UNC13C: variants seen among roughly 807,000 people sequenced by gnomAD.
UNC13C encodes the protein unc-13 homolog C, also known as protein unc-13 homolog C.
UNC13C carries 174 observed loss-of-function variants against 245.4 expected under a neutral mutation model. That is an observed-to-expected ratio of 0.71 (90% confidence interval 0.63 to 0.80). UNC13C has a LOEUF of 0.80. UNC13C is among the 30% of genes least tolerant of loss of function. The pLI is 0.00. For synonymous variants in UNC13C, 992 were observed against 895.1 expected, an observed-to-expected ratio of 1.11 and a Z score of -1.93; for missense variants, 2,829 against 2,602.9, an observed-to-expected ratio of 1.09 and a Z score of -1.89.
In UNC13C at chr15:54,486,941, G is replaced by T. The variant is rs182615102; in HGVS notation, c.4934-7667G>T. Among the ~76,000 whole-genome samples, 212 of 152,246 alleles carry T rather than the reference G, an allele frequency of 1.4e-3. 1 individual carries two copies. Among genetic ancestry groups the T allele is most frequent in the African/African-American group, 5.0e-3 (206 of 41,558 alleles). ...ACATGCCAGTATGGCTTTAGATCTAGACCAGAACTAGATATAAGCCAAGAT... is the reference window on the plus strand; with the variant it reads ...ACATGCCAGTATGGCTTTAGATCTATACCAGAACTAGATATAAGCCAAGAT... On this transcript the variant is annotated intron_variant, in intron 19 of 32. Transcript: ENST00000260323.
chr15:54,288,121 G>T (rs1304356819), intron 10 of UNC13C, among the ~76,000 whole-genome samples: 1 of 152,098 alleles, frequency 6.6e-6, no homozygotes, highest in Non-Finnish European at 1.5e-5. Flanking sequence ...AGTAAGACAG[G>T]AAATGGAAAA....
intron 19 of UNC13C, among the ~76,000 whole-genome samples, chr15:54,453,200 G>A (rs762477328): frequency 6.6e-6 from 1 of 152,154 alleles, no homozygotes; most frequent in Non-Finnish European, 1.5e-5. Context: ...TGGTAGGATT[G>A]GAGGGGTCCA....
At position 54,547,084 on chromosome 15, in the gene UNC13C, A is replaced by G. The variant is rs149840330; in HGVS notation, c.5820+239A>G. Among the ~76,000 whole-genome samples the G allele has an allele frequency of 4.6e-3, 701 of 152,328 alleles. 7 individuals carry two copies. The highest frequency in any genetic ancestry group is 0.016 in the African/African-American group (651 of 41,582). Reference sequence around the variant, plus strand: ...CAGAACTTAACCTCTTAAAACATGTATCAAAGTTCTATTTATAGTGTTATC... The same window carrying G: ...CAGAACTTAACCTCTTAAAACATGTGTCAAAGTTCTATTTATAGTGTTATC... On this transcript the variant is annotated intron_variant, in intron 27 of 32. Coordinates refer to ENST00000260323, the MANE Select transcript of UNC13C (RefSeq NM_001080534.3).
chr15:54,478,146 G>A (rs1348091243), intron 19 of UNC13C, among the ~76,000 whole-genome samples: 4 of 151,134 alleles, frequency 2.6e-5, no homozygotes, highest in Non-Finnish European at 5.9e-5. Context: ...CTGTGGGATT[G>A]GTGGTGATAT....
the UNC13C span, among the ~76,000 whole-genome samples, chr15:53,854,214 G>T: frequency 2.7e-5 from 4 of 146,092 alleles, no homozygotes; most frequent in East Asian, 2.1e-4. Flanking sequence ...TCTGCCTCCC[G>T]GATTCAAGTG....
chr15:54,570,360 C>A (rs777252969), intron 30 of UNC13C, among the ~76,000 whole-genome samples: 2 of 152,160 alleles, frequency 1.3e-5, no homozygotes, highest in African/African-American at 2.4e-5. Flanking sequence ...AAAACTCATA[C>A]ATTTTTTTCA....
At chr15:53,843,714 A>G in the UNC13C span, among the ~76,000 whole-genome samples, 5 of 152,114 alleles carry the variant, frequency 3.3e-5, no homozygotes, top group Non-Finnish European at 7.4e-5. Context: ...AGTAAAAGAA[A>G]CATGTAAGAA....
chr15:54,607,936 CAA>C (rs983851770), intron 30 of UNC13C, among the ~76,000 whole-genome samples: 23 of 152,148 alleles, frequency 1.5e-4, no homozygotes, highest in Admixed American at 9.8e-4. Context: ...CCATATCAGA[CAA>C]ACAGTAGTTT....
At position 54,013,391 on chromosome 15, in the gene UNC13C, C is replaced by T; in HGVS notation, c.488C>T (p.Ser163Phe). The T allele has an allele frequency of 2.5e-6, 4 of 1,613,884 alleles. No individual in the cohort carries two copies. The highest frequency in any genetic ancestry group is 2.2e-5 in the East Asian group (1 of 44,884). Residue 163 changes from serine to phenylalanine, a missense_variant, in exon 2 of 33, where the codon TCT (serine) becomes TTT (phenylalanine). Coordinates refer to ENST00000260323, the MANE Select transcript of UNC13C (RefSeq NM_001080534.3). ...AAGAGTTCAAGCAGCCTTGCACCCT[C>T]TGAGGGCAGCTCTGACGGGGAGCGT... ...NRKSSSSLAP[S>F]EGSSDGERTL...
chr15:54,482,583 G>A (rs1402160900), intron 19 of UNC13C, among the ~76,000 whole-genome samples: 4 of 152,118 alleles, frequency 2.6e-5, no homozygotes, highest in Non-Finnish European at 2.9e-5. Context: ...CTCCTTCCTC[G>A]CCTCAGAAGT....
At chr15:54,213,543 G>A (rs1476634400) in intron 4 of UNC13C, among the ~76,000 whole-genome samples, 2 of 152,002 alleles carry the variant, frequency 1.3e-5, no homozygotes, top group Non-Finnish European at 2.9e-5. Context: ...TGTTAACTTT[G>A]TAAGCTTCTA....
intron 22 of UNC13C, among the ~76,000 whole-genome samples, chr15:54,502,915 G>T (rs748504037): frequency 3.9e-5 from 6 of 152,052 alleles, no homozygotes; most frequent in Non-Finnish European, 8.8e-5. Flanking sequence ...GCAGCCACCC[G>T]TTTGTAGCTC....
chr15:54,070,104 G>A (rs550946019), intron 2 of UNC13C, among the ~76,000 whole-genome samples: 1 of 152,282 alleles, frequency 6.6e-6, no homozygotes, highest in South Asian at 2.1e-4. Context: ...CCCCTACTGG[G>A]GCGATTTTAC....
intron 18 of UNC13C, among the ~76,000 whole-genome samples, chr15:54,402,166 G>A (rs1026041621): frequency 6.6e-6 from 1 of 151,824 alleles, no homozygotes; most frequent in Non-Finnish European, 1.5e-5. Flanking sequence ...TTCATAGTGG[G>A]CAGAATAGGT....
intron 17 of UNC13C, among the ~76,000 whole-genome samples, chr15:54,391,402 A>G (rs1177902780): frequency 2.0e-5 from 3 of 152,108 alleles, no homozygotes; most frequent in Non-Finnish European, 2.9e-5. Context: ...AGTGATAACA[A>G]AATTCTGTTT....
At chr15:53,885,110 G>A in the UNC13C span, among the ~76,000 whole-genome samples, 2 of 152,206 alleles carry the variant, frequency 1.3e-5, no homozygotes, top group African/African-American at 2.4e-5. Context: ...GGGGATTTCA[G>A]GAAGCAATGT....
rs35414078 is a variant in UNC13C at position 54,442,250 on chromosome 15, C to CTTT, written c.4933+27199_4933+27201dup. 4.5e-3 allele frequency among the ~76,000 whole-genome samples: 568 copies of CTTT among 127,394 alleles called. 9 individuals carry two copies. The highest frequency in any genetic ancestry group is 0.011 in the South Asian group (44 of 3,998). The allele number at this position is 127,394 out of a possible 152,430, so 83.6% of individuals were successfully genotyped here. On this transcript the variant is annotated intron_variant, in intron 19 of 32. Coordinates refer to ENST00000260323, the MANE Select transcript of UNC13C (RefSeq NM_001080534.3). ...GCATCTTTCACCACTTGTTCCAGTTCTTTTTTTTTTTTTTTTTTGAGACAG... is the reference window on the plus strand; with the variant it reads ...GCATCTTTCACCACTTGTTCCAGTTCTTTTTTTTTTTTTTTTTTTTTGAGACAG...
intron 19 of UNC13C, among the ~76,000 whole-genome samples, chr15:54,474,642 T>C (rs534066918): frequency 8.0e-4 from 122 of 152,216 alleles, no homozygotes; most frequent in Admixed American, 1.2e-3. Context: ...AGGTTATCTC[T>C]TCACTCTGTT....
At chr15:53,973,594 A>C (rs902626811), upstream of UNC13C, among the ~76,000 whole-genome samples, 12 of 151,656 alleles carry the variant, frequency 7.9e-5, no homozygotes, top group African/African-American at 2.2e-4. Flanking sequence ...TTAAAAAAAA[A>C]AATCCAAAAA....
Sources: allele counts gnomAD v4.1 joint callset (sites outside exome capture counted in the v4.1 genomes callset), GRCh38; gene constraint gnomAD v4.1.1; transcripts MANE v1.5; gene names NCBI Gene and HGNC (gene_info 2026-07-23, HGNC 2026-07-21).